Variants in ITSN2 observed in about 807,000 individuals in gnomAD.
ITSN2 encodes intersectin-2.
ITSN2 carries 156 observed loss-of-function variants against 243.7 expected under a neutral mutation model. That is an observed-to-expected ratio of 0.64 (90% CI 0.56 to 0.73). ITSN2 has a LOEUF of 0.73. Among genes scored for constraint, ITSN2 ranks in the 30% least tolerant of loss-of-function variants. The probability of loss-of-function intolerance (pLI) is 0.00; values close to 1 mark genes in which losing one functional copy is unlikely to be tolerated. For missense variants in ITSN2, 1,801 were observed against 1,996.1 expected (o/e 0.90, Z 1.86); for synonymous variants, 703 against 699.9 (o/e 1.00, Z -0.07).
intron 9 of ITSN2, among the ~76,000 whole-genome samples, chr2:24,302,604 G>T (rs914359795): frequency 1.3e-5 from 2 of 152,174 alleles, no homozygotes; most frequent in Admixed American, 6.5e-5. Flanking sequence ...TTGAATGTAA[G>T]TATGTAAGTA....
intron 5 of ITSN2, 36 bp downstream of exon 5, chr2:24,312,176 T>C (rs1255197237): frequency 6.6e-7 from 1 of 1,508,002 alleles, no homozygotes; most frequent in South Asian, 1.3e-5. Context: ...AAAGTTTAAG[T>C]AGCAAATACA....
intron 1 of ITSN2, among the ~76,000 whole-genome samples, chr2:24,336,616 TC>T (rs1686406521): frequency 1.3e-5 from 2 of 152,216 alleles, no homozygotes; most frequent in African/African-American, 4.8e-5. Flanking sequence ...CATCACACTT[TC>T]TTCTCCTTCT....
intron 8 of ITSN2, among the ~76,000 whole-genome samples, chr2:24,308,332 T>A (rs1358162505): frequency 1.3e-5 from 2 of 152,174 alleles, no homozygotes; most frequent in African/African-American, 4.8e-5. Context: ...ACTGCAAAGC[T>A]TAGAGGATGA....
chr2:24,251,229 G>A (rs1232535785), intron 25 of ITSN2, among the ~76,000 whole-genome samples: 1 of 145,442 alleles, frequency 6.9e-6, no homozygotes, highest in Non-Finnish European at 1.5e-5. Flanking sequence ...AGGGGCTAAG[G>A]CACGAGAATT....
intron 30 of ITSN2, chr2:24,220,712 G>A: frequency 7.5e-7 from 1 of 1,327,046 alleles, no homozygotes; most frequent in Non-Finnish European, 9.6e-7. Context: ...TTCACTCTGA[G>A]TGACCTCATC....
chr2:24,340,172 A>G (rs72855479), intron 1 of ITSN2, among the ~76,000 whole-genome samples: 1,680 of 152,280 alleles, frequency 0.011, 28 homozygotes, highest in African/African-American at 0.039. Flanking sequence ...GCCAGTATTT[A>G]AAACACAGTA....
chr2:24,339,844 C>A (rs765959156), intron 1 of ITSN2, among the ~76,000 whole-genome samples: 1 of 151,960 alleles, frequency 6.6e-6, no homozygotes, highest in African/African-American at 2.4e-5. Flanking sequence ...CTGGGCAACA[C>A]AGGGAGACTC....
chr2:24,305,576 CAAAA>C (rs537945691), intron 8 of ITSN2, among the ~76,000 whole-genome samples: 1 of 40,878 alleles, frequency 2.4e-5, no homozygotes, highest in African/African-American at 5.6e-5. Context: ...GACTCTGTCT[CAAAA>C]AAAAAAAAAA....
In ITSN2 at chr2:24,315,908, C is replaced by G. The variant is rs146782464; in HGVS notation, c.32-684G>C. 1.5e-3 allele frequency among the ~76,000 whole-genome samples: 226 copies of G among 152,294 alleles called. 1 individual carries two copies. Among genetic ancestry groups the G allele is most frequent in the African/African-American group, 5.1e-3 (213 of 41,560 alleles). On this transcript the variant is annotated intron_variant, in intron 2 of 39. Transcript: ENST00000355123. ...TTTTTCATAAATTACTCAGTCTCAGCTAGTTCTTTATAGCAGTGTGAAAAC... is the reference window on the plus strand; with the variant it reads ...TTTTTCATAAATTACTCAGTCTCAGGTAGTTCTTTATAGCAGTGTGAAAAC...
chr2:24,338,627 C>T (rs1686715998), intron 1 of ITSN2, among the ~76,000 whole-genome samples: 1 of 152,218 alleles, frequency 6.6e-6, no homozygotes, highest in African/African-American at 2.4e-5. Context: ...TACATATATT[C>T]TCCACCTATG....
At chr2:24,220,435 A>G in intron 30 of ITSN2, 1 of 986,808 alleles carries the variant, frequency 1.0e-6, no homozygotes, top group Non-Finnish European at 1.2e-6. Flanking sequence ...AACAGTAGCT[A>G]TATGATATTT....
chr2:24,303,308 T>C (rs1015979219), intron 9 of ITSN2, among the ~76,000 whole-genome samples: 1 of 152,094 alleles, frequency 6.6e-6, no homozygotes, highest in African/African-American at 2.4e-5. Flanking sequence ...GATGTGGAGG[T>C]AGAAGATAGT....
At chr2:24,337,992 G>A (rs903648198) in intron 1 of ITSN2, among the ~76,000 whole-genome samples, 2 of 152,128 alleles carry the variant, frequency 1.3e-5, no homozygotes, top group Admixed American at 6.5e-5. Context: ...CCAACCTTCT[G>A]AATGGACTTC....
chr2:24,238,382 A>C (rs938622092), intron 29 of ITSN2, among the ~76,000 whole-genome samples: 7 of 152,140 alleles, frequency 4.6e-5, no homozygotes, highest in Non-Finnish European at 1.0e-4. Flanking sequence ...TTTTGGAAAG[A>C]GGTTGTTTGT....
chr2:24,233,225 T>A (rs1186820622), intron 29 of ITSN2, among the ~76,000 whole-genome samples: 1 of 152,228 alleles, frequency 6.6e-6, no homozygotes, highest in African/African-American at 2.4e-5. Context: ...CCCAATGGTA[T>A]GTTCATATAA....
intron 1 of ITSN2, among the ~76,000 whole-genome samples, chr2:24,358,832 T>C (rs573184735): frequency 1.3e-5 from 2 of 152,328 alleles, no homozygotes; most frequent in South Asian, 4.1e-4. Flanking sequence ...CCTTGAGATG[T>C]ACCGAACAAT....
At chr2:24,254,658 A>G (rs573997221) in intron 23 of ITSN2, among the ~76,000 whole-genome samples, 1 of 152,308 alleles carries the variant, frequency 6.6e-6, no homozygotes, top group African/African-American at 2.4e-5. Context: ...TAAAATTTCA[A>G]TATGATTTAC....
At chr2:24,302,445 G>A (rs538960816) in intron 9 of ITSN2, among the ~76,000 whole-genome samples, 21 of 152,028 alleles carry the variant, frequency 1.4e-4, no homozygotes, top group Non-Finnish European at 2.6e-4. Context: ...TGATCCGCCC[G>A]CCTCAGCCTC....
intron 19 of ITSN2, among the ~76,000 whole-genome samples, chr2:24,271,452 T>C (rs1044108676): frequency 8.5e-5 from 13 of 152,200 alleles, no homozygotes; most frequent in Non-Finnish European, 1.3e-4. Flanking sequence ...TTAAAATAAA[T>C]AGCTTAGTTA....
Sources: allele counts gnomAD v4.1 joint callset (sites outside exome capture counted in the v4.1 genomes callset), GRCh38; gene constraint gnomAD v4.1.1; transcripts MANE v1.5; gene names NCBI Gene and HGNC (gene_info 2026-07-23, HGNC 2026-07-21).